EEIG2: variants seen among roughly 807,000 people sequenced by gnomAD.
EEIG2 encodes the protein family with sequence similarity 102 member B.
the EEIG2 span, among the ~76,000 whole-genome samples, chr1:108,604,102 G>A: frequency 3.9e-5 from 6 of 152,244 alleles, no homozygotes; most frequent in African/African-American, 7.2e-5. Context: ...GAAGTACTGT[G>A]AACCCTATGC....
the EEIG2 span, among the ~76,000 whole-genome samples, chr1:108,586,773 C>G: frequency 6.6e-6 from 1 of 152,118 alleles, no homozygotes; most frequent in African/African-American, 2.4e-5. Context: ...ACATAAGAAG[C>G]CATAAATTTA....
the EEIG2 span, among the ~76,000 whole-genome samples, chr1:108,589,585 G>A: frequency 8.3e-3 from 1,259 of 151,880 alleles, 19 homozygotes; most frequent in African/African-American, 0.029. Context: ...TGGTGACAAC[G>A]TAATCTCCTT....
chr1:108,562,789 A>T, the EEIG2 span, among the ~76,000 whole-genome samples: 1 of 152,064 alleles, frequency 6.6e-6, no homozygotes, highest in Non-Finnish European at 1.5e-5. Context: ...GTTATATTTG[A>T]TTCCTTTATC....
the EEIG2 span, among the ~76,000 whole-genome samples, chr1:108,633,762 A>G: frequency 3.9e-5 from 6 of 152,164 alleles, no homozygotes; most frequent in South Asian, 6.2e-4. Context: ...TTTTGGATCT[A>G]TGGGTTTACA....
the EEIG2 span, chr1:108,624,782 G>C: frequency 6.4e-7 from 1 of 1,568,032 alleles, no homozygotes; most frequent in South Asian, 1.1e-5. Context: ...TTTTTAATTT[G>C]TGAGAGACGA....
At chr1:108,621,395 T>C in the EEIG2 span, among the ~76,000 whole-genome samples, 1 of 152,206 alleles carries the variant, frequency 6.6e-6, no homozygotes, top group Non-Finnish European at 1.5e-5. Context: ...TCAGTCCCCA[T>C]AGTCAGTGAA....
chr1:108,636,669 T>A, the EEIG2 span: 1 of 152,194 alleles, frequency 6.6e-6, no homozygotes, highest in Non-Finnish European at 1.5e-5. Flanking sequence ...GTAGAGAGAC[T>A]CTGAGAGAGA....
chr1:108,588,366 CTTTGTCT>C, the EEIG2 span, among the ~76,000 whole-genome samples: 13 of 152,218 alleles, frequency 8.5e-5, no homozygotes, highest in African/African-American at 3.1e-4. Flanking sequence ...CTCACCAACA[CTTTGTCT>C]TTTGTCTTTT....
At chr1:108,563,680 G>A in the EEIG2 span, among the ~76,000 whole-genome samples, 1 of 152,154 alleles carries the variant, frequency 6.6e-6, no homozygotes, top group Non-Finnish European at 1.5e-5. Context: ...TCTTGGCCAA[G>A]TATTAGTTGA....
chr1:108,624,907 C>T, the EEIG2 span: 1 of 625,148 alleles, frequency 1.6e-6, no homozygotes, highest in Non-Finnish European at 2.8e-6. Context: ...TTTATTTTGT[C>T]TAAAGTATTG....
the EEIG2 span, chr1:108,635,527 C>G: frequency 5.9e-6 from 1 of 170,888 alleles, no homozygotes; most frequent in Non-Finnish European, 1.3e-5. Context: ...TAGATTTGGG[C>G]TCTATGGTTT....
the EEIG2 span, among the ~76,000 whole-genome samples, chr1:108,589,497 T>A: frequency 6.6e-6 from 1 of 152,198 alleles, no homozygotes; most frequent in Non-Finnish European, 1.5e-5. Context: ...AAATTTTTTT[T>A]AGCCTTTATC....
the EEIG2 span, chr1:108,629,747 T>C: frequency 3.5e-4 from 326 of 924,464 alleles, 1 homozygote; most frequent in African/African-American, 5.1e-3. Flanking sequence ...AAGTTTGTAC[T>C]AGGCTGAAGC....
chr1:108,584,710 G>A, the EEIG2 span, among the ~76,000 whole-genome samples: 1 of 151,972 alleles, frequency 6.6e-6, no homozygotes, highest in Non-Finnish European at 1.5e-5. Context: ...CCTTTTTGAG[G>A]CCAGTTCAGG....
chr1:108,569,529 T>G, the EEIG2 span, among the ~76,000 whole-genome samples: 1 of 152,192 alleles, frequency 6.6e-6, no homozygotes, highest in Non-Finnish European at 1.5e-5. Flanking sequence ...TCTTGCTATG[T>G]TGCCCAGGCT....
At chr1:108,617,182 A>G in the EEIG2 span, among the ~76,000 whole-genome samples, 1 of 152,194 alleles carries the variant, frequency 6.6e-6, no homozygotes, top group Non-Finnish European at 1.5e-5. Flanking sequence ...GTCAGATGAT[A>G]AGGAGTCTTG....
At chr1:108,582,202 A>G in the EEIG2 span, among the ~76,000 whole-genome samples, 1 of 152,206 alleles carries the variant, frequency 6.6e-6, no homozygotes, top group Non-Finnish European at 1.5e-5. Context: ...TATAGTGTAG[A>G]CATAGCTTCT....
At chr1:108,628,038 G>T in the EEIG2 span, 2 of 720,184 alleles carry the variant, frequency 2.8e-6, no homozygotes, top group Non-Finnish European at 4.8e-6. Context: ...TTAAAAGGAT[G>T]TCCCTCATTT....
the EEIG2 span, among the ~76,000 whole-genome samples, chr1:108,578,699 G>C: frequency 6.6e-5 from 10 of 151,648 alleles, no homozygotes; most frequent in Non-Finnish European, 1.5e-4. Flanking sequence ...GAAAGGTCGG[G>C]TTACCCACAA....
Sources: gnomAD v4.1 joint callset for allele counts (sites outside exome capture counted in the v4.1 genomes callset) on GRCh38, gnomAD v4.1.1 for gene constraint, MANE v1.5 for transcripts, NCBI Gene and HGNC (gene_info 2026-07-23, HGNC 2026-07-21) for gene names.